Variants in AR observed in about 807,000 individuals in gnomAD.
The protein encoded by AR is dihydrotestosterone receptor.
In AR, 8 loss-of-function variants were observed where a neutral mutation model predicts 53.9. The ratio of observed to expected loss-of-function variants is 0.15; its 90% CI spans 0.09 to 0.27. The LOEUF is 0.27. Ranked by LOEUF, AR falls within the 10% of genes least tolerant of loss-of-function variation. The pLI, the probability that AR is intolerant of heterozygous loss-of-function variation, is 1.00. For missense variants in AR, 639 were observed against 742.5 expected (o/e 0.86, Z 1.62); for synonymous variants, 359 against 316.4 (o/e 1.13, Z -1.43).
chrX:67,678,178 A>G (rs2075911953), intron 2 of AR, among the ~76,000 whole-genome samples: 1 of 111,716 alleles, frequency 9.0e-6, no homozygotes, highest in Non-Finnish European at 1.9e-5. Flanking sequence ...AAGGCAAACC[A>G]CAACGCTAAG....
Position 67,553,816 on chromosome X carries a change from T to G in AR, c.1616+7054T>G, listed in dbSNP as rs1207300753. On this transcript the variant is annotated intron_variant, in intron 1 of 7. Transcript: ENST00000374690. ...TATTTTTTGATACTATAAATTGAACTGTCTTATTGATTTTATTTTCAGATT... is the reference window on the plus strand; with the variant it reads ...TATTTTTTGATACTATAAATTGAACGGTCTTATTGATTTTATTTTCAGATT... 4.2e-4 allele frequency among the ~76,000 whole-genome samples: 47 copies of G among 112,543 alleles called. 1 individual carries two copies. In the Admixed American group the frequency reaches 4.4e-3, roughly 11 times the overall value.
Position 67,725,509 on chromosome X carries a change from T to A in AR, c.*1668T>A, listed in dbSNP as rs2076154035. On this transcript the variant is annotated 3_prime_UTR_variant, in exon 8 of 8. Transcript: ENST00000374690. ...GCACTAGAACCAGAAACCCTGCAAA[T>A]GCTCTTCTTGTCACCCAGCATATCC... The A allele has an allele frequency of 5.7e-6, 1 of 173,940 alleles. No individual in the cohort carries two copies. Among genetic ancestry groups the A allele is most frequent in the African/African-American group, 3.0e-5 (1 of 33,781 alleles). 14.3% of individuals were successfully genotyped at this position (173,940 alleles called of 1,213,427 possible). A position where few individuals can be genotyped will look rare whatever the true frequency, so the allele number is the denominator to read the frequency against.
rs113385197 is a variant in AR at position 67,555,704 on chromosome X, C to G, written c.1616+8942C>G. ...AGACAACGTAACATTCTGAAATGGC[C>G]TACCACCTAACATGGGCTCTGTTCT... On this transcript the variant is annotated intron_variant, in intron 1 of 7. Coordinates refer to ENST00000374690, the MANE Select transcript of AR (RefSeq NM_000044.6). Among the ~76,000 whole-genome samples the G allele has an allele frequency of 4.4e-3, 490 of 112,186 alleles. 4 individuals are homozygous for G. Among genetic ancestry groups the G allele is most frequent in the African/African-American group, 0.015 (468 of 30,880 alleles).
At chrX:67,613,973 G>C (rs1243442354) in intron 1 of AR, among the ~76,000 whole-genome samples, 1 of 111,996 alleles carries the variant, frequency 8.9e-6, no homozygotes, top group Non-Finnish European at 1.9e-5. Context: ...AGTGGTAAAG[G>C]GTGAAAATCT....
At chrX:67,609,961 G>A (rs1173491984) in intron 1 of AR, among the ~76,000 whole-genome samples, 2 of 111,487 alleles carry the variant, frequency 1.8e-5, no homozygotes, top group Non-Finnish European at 1.9e-5. Context: ...TACAGGAAAC[G>A]TAGATTTCTA....
At chrX:67,662,108 G>A (rs1322356270) in intron 2 of AR, among the ~76,000 whole-genome samples, 1 of 111,221 alleles carries the variant, frequency 9.0e-6, no homozygotes, top group Non-Finnish European at 1.9e-5. Context: ...CTTGCTAGTG[G>A]TCTATCAATT....
At chrX:67,649,650 G>T (rs1310526296) in intron 2 of AR, among the ~76,000 whole-genome samples, 1 of 112,229 alleles carries the variant, frequency 8.9e-6, no homozygotes, top group Non-Finnish European at 1.9e-5. Context: ...TTTTTCATAT[G>T]TTTGTTGGCC....
intron 1 of AR, among the ~76,000 whole-genome samples, chrX:67,550,866 T>C (rs1929966288): frequency 9.1e-6 from 1 of 109,495 alleles, no homozygotes; most frequent in African/African-American, 3.3e-5. Flanking sequence ...CAGGGTATTT[T>C]TCTTATTACA....
intron 2 of AR, among the ~76,000 whole-genome samples, chrX:67,657,141 G>A (rs780873530): frequency 3.1e-4 from 34 of 111,150 alleles, no homozygotes; most frequent in Admixed American, 6.7e-4. Flanking sequence ...TGGTTGAAAT[G>A]AATTTATTTC....
chrX:67,691,339 G>A (rs549522483), intron 3 of AR, among the ~76,000 whole-genome samples: 2 of 112,153 alleles, frequency 1.8e-5, no homozygotes, highest in African/African-American at 6.5e-5. Context: ...GTGTTTACTG[G>A]TATGTGTCCT....
chrX:67,574,957 G>A (rs1431489427), intron 1 of AR, among the ~76,000 whole-genome samples: 1 of 111,483 alleles, frequency 9.0e-6, no homozygotes, highest in Non-Finnish European at 1.9e-5. Flanking sequence ...CCAAATAATA[G>A]AGCCAATTTT....
intron 1 of AR, among the ~76,000 whole-genome samples, chrX:67,559,497 C>G (rs1921206356): frequency 8.9e-6 from 1 of 112,032 alleles, no homozygotes; most frequent in Non-Finnish European, 1.9e-5. Context: ...CTCCGTCCCT[C>G]TAGGCCCCAA....
rs192195540 is a variant in AR, at chrX:67,571,994, G to C, written c.1616+25232G>C. Among the ~76,000 whole-genome samples the C allele has an allele frequency of 7.0e-3, 774 of 110,933 alleles. 40 individuals are homozygous for C. In the East Asian group the frequency reaches 0.18, roughly 26 times the overall value. On this transcript the variant is annotated intron_variant, in intron 1 of 7. Coordinates refer to ENST00000374690, the MANE Select transcript of AR (RefSeq NM_000044.6). The stretch of plus-strand genomic sequence containing the variant: ...TGGGCTCTACATTGCAGCCAACCTT[G>C]ATAATTTCAAACCTCGATTTTCTCA...
intron 2 of AR, among the ~76,000 whole-genome samples, chrX:67,679,017 A>G (rs1328681453): frequency 9.0e-6 from 1 of 111,434 alleles, no homozygotes. Context: ...AGTATTGCTA[A>G]AAGAGTAAAT....
In AR at chrX:67,589,706, G is replaced by C. The variant is rs1356760828; in HGVS notation, c.1616+42944G>C. On this transcript the variant is annotated intron_variant, in intron 1 of 7. Transcript: ENST00000374690. ...ATTATAGGAGTCCTCTCAAGGCAGA[G>C]AGGCCTAAAATTAGACATGGCAGCC... Among the ~76,000 whole-genome samples the C allele has an allele frequency of 4.5e-5, 5 of 112,013 alleles. No individual in the cohort carries two copies. The East Asian group carries it at 1.1e-3, about 25-fold the overall frequency.
intron 3 of AR, among the ~76,000 whole-genome samples, chrX:67,689,098 T>C (rs1278861923): frequency 9.0e-6 from 1 of 111,505 alleles, no homozygotes; most frequent in African/African-American, 3.3e-5. Context: ...TTTCCCATCA[T>C]AGAACTGGAA....
At chrX:67,599,256 A>G (rs759068107) in intron 1 of AR, among the ~76,000 whole-genome samples, 4 of 112,004 alleles carry the variant, frequency 3.6e-5, no homozygotes, top group Non-Finnish European at 7.5e-5. Flanking sequence ...ATACTTGCTC[A>G]TAAGAGTACA....
intron 1 of AR, among the ~76,000 whole-genome samples, chrX:67,551,007 T>TG (rs1163785748): frequency 3.9e-5 from 4 of 102,905 alleles, no homozygotes; most frequent in African/African-American, 1.5e-4. Flanking sequence ...CTGGGTTTTT[T>TG]TTTTTTTTTT....
At chrX:67,570,348 G>A (rs1921759404) in intron 1 of AR, among the ~76,000 whole-genome samples, 1 of 112,418 alleles carries the variant, frequency 8.9e-6, no homozygotes, top group Non-Finnish European at 1.9e-5. Flanking sequence ...AGATTATTTT[G>A]TGAAATAACT....
Sources: gnomAD v4.1 joint callset for allele counts (sites outside exome capture counted in the v4.1 genomes callset) on GRCh38, gnomAD v4.1.1 for gene constraint, MANE v1.5 for transcripts, NCBI Gene and HGNC (gene_info 2026-07-23, HGNC 2026-07-21) for gene names.